ERICH6: variants seen among roughly 807,000 people sequenced by gnomAD.
The protein encoded by ERICH6 is glutamate rich 6, also known as glutamate-rich protein 6.
ERICH6 carries 71 observed loss-of-function variants against 71.0 expected under a neutral mutation model. The ratio of observed to expected loss-of-function variants is 1.00; its 90% confidence interval spans 0.83 to 1.22. ERICH6 has a LOEUF of 1.22. ERICH6 is among the 50% of genes most tolerant of loss of function. The pLI, the probability that ERICH6 is intolerant of heterozygous loss-of-function variation, is 0.00. For synonymous variants in ERICH6, 262 were observed against 278.4 expected (o/e 0.94, Z 0.59); for missense variants, 808 against 797.2 (o/e 1.01, Z -0.16).
At chr3:150,671,876 C>T (rs1201128084) in intron 11 of ERICH6, among the ~76,000 whole-genome samples, 1 of 152,156 alleles carries the variant, frequency 6.6e-6, no homozygotes, top group Non-Finnish European at 1.5e-5. Context: ...GCGATCTGCC[C>T]ACTGTGGCCT....
chr3:150,671,708 C>A (rs1024720970), intron 11 of ERICH6, among the ~76,000 whole-genome samples: 3 of 152,210 alleles, frequency 2.0e-5, no homozygotes, highest in Admixed American at 6.5e-5. Flanking sequence ...CTCACTGCAG[C>A]CTCCACCTCT....
chr3:150,695,304 G>A (rs1025661217), intron 3 of ERICH6, among the ~76,000 whole-genome samples: 2 of 152,104 alleles, frequency 1.3e-5, no homozygotes, highest in African/African-American at 2.4e-5. Context: ...TTGATACATA[G>A]AAATCAATAG....
chr3:150,684,540 AG>A (rs1408806997), intron 6 of ERICH6, among the ~76,000 whole-genome samples: 2 of 152,176 alleles, frequency 1.3e-5, no homozygotes, highest in Admixed American at 6.5e-5. Context: ...GAAGTCATCA[AG>A]GGTTCTCAGA....
At chr3:150,697,407 A>G (rs986636378) in intron 3 of ERICH6, among the ~76,000 whole-genome samples, 1 of 152,214 alleles carries the variant, frequency 6.6e-6, no homozygotes, top group Admixed American at 6.5e-5. Flanking sequence ...GGGACTGTGG[A>G]GTATGATTCC....
intron 3 of ERICH6, 91 bp downstream of exon 3, chr3:150,698,700 T>C (rs999354703): frequency 4.1e-5 from 44 of 1,067,416 alleles, no homozygotes; most frequent in Admixed American, 5.5e-5. Flanking sequence ...GGGCTGGGAT[T>C]CAAATCTAGC....
At chr3:150,680,704 G>C in intron 8 of ERICH6, 69 bp downstream of exon 8, 2 of 1,557,534 alleles carry the variant, frequency 1.3e-6, no homozygotes, top group Non-Finnish European at 1.7e-6. Context: ...AAAAAATGAG[G>C]TTCATTTACA....
At chr3:150,670,864 A>G (rs1197304314) in intron 11 of ERICH6, among the ~76,000 whole-genome samples, 1 of 152,250 alleles carries the variant, frequency 6.6e-6, no homozygotes, top group Non-Finnish European at 1.5e-5. Flanking sequence ...AATAAACACA[A>G]GATTGATTCT....
intron 13 of ERICH6, among the ~76,000 whole-genome samples, chr3:150,664,291 A>G (rs927529835): frequency 6.6e-6 from 1 of 152,172 alleles, no homozygotes. Context: ...GGAAACAAAA[A>G]CAAATAGGAA....
Position 150,666,828 on chromosome 3 carries a change from T to C in ERICH6, c.1687A>G (p.Met563Val). 4 of 1,614,152 alleles carry C rather than the reference T, an allele frequency of 2.5e-6. No homozygotes were observed. The highest frequency in any genetic ancestry group is 1.7e-6 in the Non-Finnish European group (2 of 1,180,024). Reference sequence around the variant, plus strand: ...ACACTGATTCTTGCCTGTTGGCCCATTGCTAGAAAAGTTATAGAAATCTTG... The same window carrying C: ...ACACTGATTCTTGCCTGTTGGCCCACTGCTAGAAAAGTTATAGAAATCTTG... ...QDKISITFLA[M>V]GQQARISVGT... Residue 563 changes from methionine to valine, a missense_variant, in exon 13 of 14, where the codon ATG becomes GTG. By Grantham distance (21) the Met-to-Val change is conservative. Coordinates refer to ENST00000295910, the MANE Select transcript of ERICH6 (RefSeq NM_152394.5).
intron 1 of ERICH6, 89 bp from the exon 2 acceptor site, chr3:150,702,267 A>AT: frequency 3.7e-5 from 15 of 406,022 alleles, no homozygotes; most frequent in Non-Finnish European, 5.8e-5. Context: ...CAATGTCTGG[A>AT]GACTTTTTTT....
rs1713051081 is a variant in ERICH6, at chr3:150,703,760, CTT to C, written c.137_138del (p.Glu46GlyfsTer25). 6.4e-7 allele frequency: 1 copy of C among 1,572,788 alleles called. No homozygotes were observed. The highest frequency in any genetic ancestry group is 8.6e-7 in the Non-Finnish European group (1 of 1,168,530). On this transcript the variant is annotated frameshift_variant, in exon 1 of 14. Coordinates refer to ENST00000295910, the MANE Select transcript of ERICH6 (RefSeq NM_152394.5). LOFTEE classifies it high-confidence loss of function. ...EEEEEVEEEE[E>X]EVEEEEEEVV... ...ACCTCCTCCTCCTCCTCCTCCACCTCTTCCTCCTCCTCCTCCACCTCTTCCTC... is the reference window on the plus strand; with the variant it reads ...ACCTCCTCCTCCTCCTCCTCCACCTCCCTCCTCCTCCTCCACCTCTTCCTC...
intron 13 of ERICH6, among the ~76,000 whole-genome samples, chr3:150,661,728 TCTGTTAG>T (rs1727230327): frequency 6.6e-6 from 1 of 152,066 alleles, no homozygotes; most frequent in African/African-American, 2.4e-5. Context: ...AAAGACTGAG[TCTGTTAG>T]CTGGGCATGG....
intron 4 of ERICH6, 59 bp from the exon 5 acceptor site, chr3:150,686,080 C>T: frequency 1.4e-6 from 2 of 1,405,668 alleles, no homozygotes; most frequent in South Asian, 2.3e-5. Flanking sequence ...GTGCATTCCA[C>T]TTCTGTAATT....
intron 3 of ERICH6, among the ~76,000 whole-genome samples, chr3:150,697,869 A>G (rs1299885222): frequency 6.6e-6 from 1 of 152,136 alleles, no homozygotes; most frequent in Non-Finnish European, 1.5e-5. Context: ...GATCTCTGTG[A>G]TCTCATCCCC....
At chr3:150,674,566 T>G (rs1054394801) in intron 10 of ERICH6, among the ~76,000 whole-genome samples, 1 of 152,230 alleles carries the variant, frequency 6.6e-6, no homozygotes, top group Non-Finnish European at 1.5e-5. Flanking sequence ...TTGGTTACTC[T>G]AGGTTCTTTA....
chr3:150,680,715 A>C, intron 8 of ERICH6, 58 bp downstream of exon 8: 1 of 1,564,286 alleles, frequency 6.4e-7, no homozygotes, highest in Middle Eastern at 1.7e-4. Flanking sequence ...TTCATTTACA[A>C]AACGAGCTCC....
intron 3 of ERICH6, among the ~76,000 whole-genome samples, chr3:150,694,240 A>G (rs528537017): frequency 9.9e-5 from 15 of 152,242 alleles, no homozygotes; most frequent in Admixed American, 2.6e-4. Flanking sequence ...GAAAAATTTT[A>G]TCTTTAAAAT....
At position 150,684,992 on chromosome 3, in the gene ERICH6, A is replaced by T. The variant is rs114375332; in HGVS notation, c.783+750T>A. Among the ~76,000 whole-genome samples the T allele has an allele frequency of 1.6e-3, 240 of 152,078 alleles. 2 individuals are homozygous for T. Among genetic ancestry groups the T allele is most frequent in the African/African-American group, 5.6e-3 (233 of 41,490 alleles). Reference sequence around the variant, plus strand: ...TACACTGTAGCCTGGGTGACACAGCAAGACCTTGTCTCAAAAAAAAAAAAT... The same window carrying T: ...TACACTGTAGCCTGGGTGACACAGCTAGACCTTGTCTCAAAAAAAAAAAAT... On this transcript the variant is annotated intron_variant, in intron 6 of 13. Coordinates refer to ENST00000295910, the MANE Select transcript of ERICH6 (RefSeq NM_152394.5).
At chr3:150,666,719 CT>C in intron 13 of ERICH6, 67 bp downstream of exon 13, 1 of 1,378,850 alleles carries the variant, frequency 7.3e-7, no homozygotes, top group Non-Finnish European at 1.0e-6. Flanking sequence ...AGTAATAATA[CT>C]AACAAAAGTT....
Sources: allele counts gnomAD v4.1 joint callset (sites outside exome capture counted in the v4.1 genomes callset), GRCh38; gene constraint gnomAD v4.1.1; transcripts MANE v1.5; gene names NCBI Gene and HGNC (gene_info 2026-07-23, HGNC 2026-07-21).